TNRC18: variants seen among roughly 807,000 people sequenced by gnomAD.
The protein encoded by TNRC18 is trinucleotide repeat-containing gene 18 protein.
A neutral mutation model predicts 226.7 loss-of-function variants in TNRC18; 69 were observed. The observed-to-expected ratio is 0.30, with a 90% confidence interval of 0.25 to 0.37. The LOEUF is 0.37. Ranked by LOEUF, TNRC18 falls within the 10% of genes least tolerant of loss-of-function variation. The probability of loss-of-function intolerance (pLI) is 1.00; values close to 1 mark genes in which losing one functional copy is unlikely to be tolerated. For synonymous variants in TNRC18, 2,449 were observed against 1,927.6 expected (o/e 1.27, Z -7.09); for missense variants, 4,754 against 4,256.6 (o/e 1.12, Z -3.25).
At chr7:5,332,309 T>TG (rs1416540653) in intron 19 of TNRC18, among the ~76,000 whole-genome samples, 1 of 152,130 alleles carries the variant, frequency 6.6e-6, no homozygotes. Flanking sequence ...GACATGTGTC[T>TG]GAAGATCCAG....
intron 4 of TNRC18, 119 bp downstream of exon 4, chr7:5,390,358 CAAAAAAAA>C (rs11295332): frequency 1.2e-4 from 88 of 719,344 alleles, no homozygotes; most frequent in South Asian, 2.9e-4. Flanking sequence ...GACCCTGTCT[CAAAAAAAA>C]AAAAAAAAAA....
chr7:5,353,027 CCAA>C (rs1791991524), intron 16 of TNRC18, among the ~76,000 whole-genome samples: 1 of 151,656 alleles, frequency 6.6e-6, no homozygotes, highest in Non-Finnish European at 1.5e-5. Flanking sequence ...ACTGCTCCCA[CCAA>C]CACCTAAGCT....
rs1204079268 is a variant in TNRC18, at chr7:5,374,416, C to T, written c.2868G>A (p.Glu956=). ...TGGCCAGGCCAGCCTTGCCCGCAGC[C>T]TCCAGGCCCCGCTTGCTCCCCTTCT... ...MEEKGSKRGL[E]AAGKAGLATA... Residue 956 remains glutamate, a synonymous_variant, in exon 10 of 30, where the codon GAG becomes GAA. Transcript: ENST00000430969. 9 of 1,541,584 alleles carry T rather than the reference C, an allele frequency of 5.8e-6. No homozygotes were observed. Among genetic ancestry groups the T allele is most frequent in the Non-Finnish European group, 7.9e-6 (9 of 1,143,492 alleles).
intron 18 of TNRC18, among the ~76,000 whole-genome samples, chr7:5,336,983 A>T (rs191099325): frequency 6.6e-6 from 1 of 152,322 alleles, no homozygotes; most frequent in East Asian, 1.9e-4. Flanking sequence ...CAATAGCTGA[A>T]ATCTTCCCAA....
chr7:5,400,064 T>A (rs559001162), intron 2 of TNRC18, among the ~76,000 whole-genome samples: 5 of 151,878 alleles, frequency 3.3e-5, no homozygotes, highest in African/African-American at 7.2e-5. Flanking sequence ...TCATTTTTAT[T>A]TTTTCTTTTT....
At chr7:5,337,985 AAAAC>A (rs1165441728) in intron 18 of TNRC18, among the ~76,000 whole-genome samples, 2 of 152,168 alleles carry the variant, frequency 1.3e-5, no homozygotes, top group African/African-American at 4.8e-5. Flanking sequence ...TCCATCTCAA[AAAAC>A]AAAACAAAAC....
At chr7:5,362,529 G>A (rs746845492) in intron 12 of TNRC18, 121 bp downstream of exon 12, 10 of 939,886 alleles carry the variant, frequency 1.1e-5, no homozygotes, top group African/African-American at 8.4e-5. Context: ...GGAGCTGAAC[G>A]TAGCTCAGGC....
In TNRC18 at chr7:5,361,913, G is replaced by C; in HGVS notation, c.4516C>G (p.Arg1506Gly). The change falls in exon 13 of 30, where the codon CGC (arginine) becomes GGC (glycine). Residue 1506 changes from arginine to glycine, a missense_variant. Transcript: ENST00000430969. ...EKQRELVKLQ[R>G]RRDSEDRREE... ...CACACTCACTCGGAGTCCCGGCGGC[G>C]CTGCAGCTTCACCAGCTCACGCTGC... 1 of 1,582,414 alleles carries C rather than the reference G, an allele frequency of 6.3e-7. No individual in the cohort carries two copies. The highest frequency in any genetic ancestry group is 1.1e-5 in the South Asian group (1 of 87,316).
At position 5,356,388 on chromosome 7, in the gene TNRC18, C is replaced by T. The variant is rs116508206; in HGVS notation, c.5194+528G>A. ...CAGACACAGTAACGCCAATGAACCC[C>T]TGCATCCATAGCCGAGCACGGTGGG... On this transcript the variant is annotated intron_variant, in intron 16 of 29. Transcript: ENST00000430969. Among the ~76,000 whole-genome samples the T allele has an allele frequency of 2.7e-3, 417 of 152,300 alleles. 2 individuals are homozygous for T. Among genetic ancestry groups the T allele is most frequent in the African/African-American group, 9.6e-3 (400 of 41,564 alleles).
rs772608160 is a variant in TNRC18, at chr7:5,361,652, C to T, written c.4603G>A (p.Ala1535Thr). The T allele has an allele frequency of 1.6e-5, 25 of 1,558,888 alleles. No homozygotes were observed. The highest frequency in any genetic ancestry group is 5.5e-5 in the African/African-American group (4 of 72,476). The change falls in exon 14 of 30, where the codon GCC (alanine) becomes ACC (threonine). Residue 1535 changes from alanine to threonine, a missense_variant. Coordinates refer to ENST00000430969, the MANE Select transcript of TNRC18 (RefSeq NM_001080495.3). Reference sequence around the variant, plus strand: ...CGGGGGGGCGACAGGGCGCTCGGGGCGTGGGTCCGTTTCCGCGGCCTGCCA... The same window carrying T: ...CGGGGGGGCGACAGGGCGCTCGGGGTGTGGGTCCGTTTCCGCGGCCTGCCA... ...GPGRPRKRTHAPSALSPPRKR... is the reference protein window; with the variant it reads ...GPGRPRKRTHTPSALSPPRKR...
At chr7:5,373,065 G>A (rs28503652) in intron 10 of TNRC18, among the ~76,000 whole-genome samples, 57,888 of 151,974 alleles carry the variant, frequency 0.38, 11,227 homozygotes, top group South Asian at 0.43. Flanking sequence ...GACTGAGGCA[G>A]GAGAATCGTT....
chr7:5,322,944 C>T (rs1212285175), intron 21 of TNRC18, among the ~76,000 whole-genome samples: 2 of 152,212 alleles, frequency 1.3e-5, no homozygotes, highest in Non-Finnish European at 2.9e-5. Context: ...GAGCCTAGGC[C>T]TCGAGAGAGC....
intron 26 of TNRC18, among the ~76,000 whole-genome samples, 163 bp downstream of exon 26, chr7:5,314,821 C>T (rs1219673185): frequency 1.3e-5 from 2 of 152,138 alleles, no homozygotes; most frequent in African/African-American, 4.8e-5. Flanking sequence ...GATCTGCTCG[C>T]CTTGGCCTCC....
intron 18 of TNRC18, 139 bp from the exon 19 acceptor site, chr7:5,333,188 C>A: frequency 9.8e-7 from 1 of 1,022,688 alleles, no homozygotes; most frequent in East Asian, 2.6e-5. Flanking sequence ...GGAGAGGAAA[C>A]TGAGGCCCAG....
chr7:5,334,718 G>A (rs1411393786), intron 18 of TNRC18, among the ~76,000 whole-genome samples: 4 of 152,084 alleles, frequency 2.6e-5, no homozygotes, highest in African/African-American at 2.4e-5. Context: ...GTACCACCCC[G>A]TAACAGTCCC....
At chr7:5,361,022 C>T (rs112815890) in intron 14 of TNRC18, among the ~76,000 whole-genome samples, 202 of 152,308 alleles carry the variant, frequency 1.3e-3, no homozygotes, top group South Asian at 9.1e-3. Context: ...GAGGGAAGGA[C>T]GAAGCATCTT....
chr7:5,332,485 G>T, intron 19 of TNRC18, 137 bp downstream of exon 19: 1 of 928,052 alleles, frequency 1.1e-6, no homozygotes, highest in Non-Finnish European at 1.5e-6. Flanking sequence ...TCCTAGCAGG[G>T]GCTCCGGGCG....
chr7:5,396,718 C>T (rs1780715384), intron 2 of TNRC18, among the ~76,000 whole-genome samples: 2 of 152,098 alleles, frequency 1.3e-5, no homozygotes, highest in East Asian at 1.9e-4. Flanking sequence ...CTAGAGCTAC[C>T]TCCTTTAAGG....
At chr7:5,376,274 C>T in intron 8 of TNRC18, 50 bp from the exon 9 acceptor site, 1 of 1,377,348 alleles carries the variant, frequency 7.3e-7, no homozygotes, top group African/African-American at 1.5e-5. Context: ...TGCTCCACCA[C>T]CATGCCCATT....
Sources: gnomAD v4.1 joint callset for allele counts (sites outside exome capture counted in the v4.1 genomes callset) on GRCh38, gnomAD v4.1.1 for gene constraint, MANE v1.5 for transcripts, NCBI Gene and HGNC (gene_info 2026-07-23, HGNC 2026-07-21) for gene names.